The following ZP4 variants were observed in gnomAD, a reference collection of about 807,000 sequenced individuals.
ZP4 encodes the protein zona pellucida sperm-binding protein 4.
Under a neutral mutation model 62.3 loss-of-function variants are expected in ZP4, and 62 were observed. That is an observed-to-expected ratio of 0.99 (90% CI 0.81 to 1.23). The LOEUF (loss-of-function observed/expected upper bound fraction) is 1.23, where lower values mean the gene tolerates loss of function less well. ZP4 is among the 50% of genes most tolerant of loss of function. The pLI is 0.00. For missense variants in ZP4, 774 were observed against 656.0 expected (o/e 1.18, Z -1.97); for synonymous variants, 289 against 247.3 (o/e 1.17, Z -1.58).
At position 237,888,400 on chromosome 1, in the gene ZP4, A is replaced by G. The variant is rs1571934890; in HGVS notation, c.511T>C (p.Tyr171His). Residue 171 changes from tyrosine (Y) to histidine (H), a missense_variant, in exon 4 of 12, where the codon TAT (tyrosine) becomes CAT (histidine). Tyr to His is a moderately conservative substitution (Grantham distance 83). Transcript: ENST00000366570. ...CAGGAATTCACCTCTTCAGAGCTATAACAACAGCCTAGCCCTTCACAGTCT... is the reference window on the plus strand; with the variant it reads ...CAGGAATTCACCTCTTCAGAGCTATGACAACAGCCTAGCCCTTCACAGTCT... ...RGDCEGLGCC[Y>H]SSEEVNSCYY... The G allele has an allele frequency of 6.2e-7, 1 of 1,606,842 alleles. No homozygotes were observed. Among genetic ancestry groups the G allele is most frequent in the East Asian group, 2.2e-5 (1 of 44,642 alleles).
At chr1:237,887,917 C>T (rs1048666725) in intron 4 of ZP4, among the ~76,000 whole-genome samples, 3 of 152,168 alleles carry the variant, frequency 2.0e-5, no homozygotes, top group Non-Finnish European at 4.4e-5. Flanking sequence ...GTAATTGCAG[C>T]CTTTGCCACA....
In ZP4 at chr1:237,885,307, T is replaced by A; in HGVS notation, c.1169A>T (p.Tyr390Phe). The change falls in exon 9 of 12, where the codon TAC (tyrosine) becomes TTC (phenylalanine). Residue 390 changes from tyrosine (Y) to phenylalanine (F), a missense_variant. By Grantham distance (22) the Tyr-to-Phe change is conservative. Transcript: ENST00000366570. Reference sequence around the variant, plus strand: ...CTGGGTCTGATAGTTGTCTCCAATGTAGGGGCAGCTAGACCAAGAGACCCA... The same window carrying A: ...CTGGGTCTGATAGTTGTCTCCAATGAAGGGGCAGCTAGACCAAGAGACCCA... Reference protein sequence around the residue: ...QWPILVKGCPYIGDNYQTQLI... With the variant: ...QWPILVKGCPFIGDNYQTQLI... The A allele has an allele frequency of 6.2e-7, 1 of 1,613,978 alleles. No individual in the cohort carries two copies. The highest frequency in any genetic ancestry group is 1.3e-5 in the African/African-American group (1 of 75,040).
intron 10 of ZP4, among the ~76,000 whole-genome samples, chr1:237,884,013 CACAAACACACACACACACAA>C (rs1558531010): frequency 0.015 from 1,184 of 79,932 alleles, 15 homozygotes; most frequent in East Asian, 0.022. Flanking sequence ...CACACACACA[CACAAACACACACACACACAA>C]ACACACACAA....
rs757440065 is a variant in ZP4, at chr1:237,885,169, C to G, written c.1307G>C (p.Gly436Ala). The G allele has an allele frequency of 5.0e-6, 8 of 1,613,218 alleles. No homozygotes were observed. Among genetic ancestry groups the G allele is most frequent in the Non-Finnish European group, 6.8e-6 (8 of 1,179,666 alleles). The change falls in exon 9 of 12, where the codon GGA (glycine) becomes GCA (alanine). Residue 436 changes from glycine to alanine, a missense_variant. By Grantham distance (60) the Gly-to-Ala change is moderately conservative (BLOSUM62 0). Coordinates refer to ENST00000366570, the MANE Select transcript of ZP4 (RefSeq NM_021186.5). ...NPTVEKQALR[G>A]PVHLHCSVSV... ...TCATGGAAGGGAACATCCTACCGGT[C>G]CCCTGAGGGCCTGTTTCTCCACTGT... is the stretch of plus-strand genomic sequence containing the variant.
At chr1:237,882,898 A>T (rs572028545) in intron 10 of ZP4, 52 bp from the exon 11 acceptor site, 1 of 1,515,366 alleles carries the variant, frequency 6.6e-7, no homozygotes, top group East Asian at 2.3e-5. Flanking sequence ...CACATAGGGC[A>T]GGGATAGAAA....
chr1:237,890,645 A>G lies in ZP4; in HGVS notation c.-10T>C, dbSNP rs758741974. 2 of 1,608,784 alleles carry G rather than the reference A, an allele frequency of 1.2e-6. No individual in the cohort carries two copies. The highest frequency in any genetic ancestry group is 2.7e-5 in the African/African-American group (2 of 74,784). On this transcript the variant is annotated 5_prime_UTR_variant, in exon 1 of 12. Transcript: ENST00000366570. ...ACCGCAGCAGCCACATAATGCTACC[A>G]GGAGTTCCTGCCGGCTGCAGACTCT...
chr1:237,887,270 G>A, intron 5 of ZP4, 104 bp downstream of exon 5: 3 of 1,348,974 alleles, frequency 2.2e-6, no homozygotes, highest in Non-Finnish European at 3.1e-6. Flanking sequence ...CCAAGTAGTA[G>A]TCACAAGTAT....
rs115277322 is a variant in ZP4, at chr1:237,884,894, G to A, written c.1312-47C>T. On this transcript the variant is annotated intron_variant, in intron 9 of 11. Coordinates refer to ENST00000366570, the MANE Select transcript of ZP4 (RefSeq NM_021186.5). ...GTCATTTGTAGTATCACCATGCCAT[G>A]TATCTCTAAACCTGCTTTGCCTCCC... The A allele has an allele frequency of 0.012, 19,798 of 1,584,742 alleles. 2,000 individuals carry two copies. The African/African-American group carries it at 0.23, about 18-fold the overall frequency.
chr1:237,884,830 G>A lies in ZP4; in HGVS notation c.1329C>T (p.Ser443=), dbSNP rs199631612. 77 of 1,613,280 alleles carry A rather than the reference G, an allele frequency of 4.8e-5. No homozygotes were observed. Among genetic ancestry groups the A allele is most frequent in the South Asian group, 6.6e-5 (6 of 90,808 alleles). ...TCTCAGCAGGCTGGCAGACTGACAC[G>A]CTGCAGTGCAGATGCACCTGGGAGC... is the stretch of plus-strand genomic sequence containing the variant. The part of the protein sequence containing the change: ...ALRGPVHLHC[S]VSVCQPAETP... The change falls in exon 10 of 12, where the codon AGC becomes AGT. Residue 443 remains serine (S), a synonymous_variant. Transcript: ENST00000366570.
At position 237,885,899 on chromosome 1, in the gene ZP4, A is replaced by G. The variant is rs1347263677; in HGVS notation, c.840-13T>C. ...GCTGACATGGAGCCTGCAGAGAAACAAGATTTTAGCTAGTTGGTTGTGGGA... is the reference window on the plus strand; with the variant it reads ...GCTGACATGGAGCCTGCAGAGAAACGAGATTTTAGCTAGTTGGTTGTGGGA... On this transcript the variant is annotated splice_polypyrimidine_tract_variant and intron_variant, in intron 6 of 11. Transcript: ENST00000366570. 3 of 1,613,732 alleles carry G rather than the reference A, an allele frequency of 1.9e-6. No individual in the cohort carries two copies. Among genetic ancestry groups the G allele is most frequent in the South Asian group, 2.2e-5 (2 of 90,998 alleles).
intron 1 of ZP4, 62 bp downstream of exon 1, chr1:237,890,399 A>C (rs1227066241): frequency 1.2e-5 from 19 of 1,554,516 alleles, no homozygotes; most frequent in African/African-American, 2.7e-5. Context: ...ATAGGGAGAC[A>C]TCTTAGGTAG....
intron 9 of ZP4, 152 bp from the exon 10 acceptor site, chr1:237,884,999 A>G (rs1665061245): frequency 1.6e-6 from 2 of 1,221,446 alleles, no homozygotes; most frequent in South Asian, 1.5e-5. Context: ...ACTGGAGTCC[A>G]GTTGACAGAT....
chr1:237,882,788 G>A lies in ZP4; in HGVS notation c.1449C>T (p.Gly483=), dbSNP rs140287634. ...QNTTASVSSK[G]PMILLQATKD... ...TAGTGGCTTGGAGTAGAATCATGGG[G>A]CCTTTGCTAGAAACACTAGCAGTAG... Residue 483 remains glycine (G), a synonymous_variant, in exon 11 of 12, where the codon GGC becomes GGT. Coordinates refer to ENST00000366570, the MANE Select transcript of ZP4 (RefSeq NM_021186.5). 6.2e-6 allele frequency: 10 copies of A among 1,614,122 alleles called. No individual in the cohort carries two copies. Among genetic ancestry groups the A allele is most frequent in the Non-Finnish European group, 8.5e-6 (10 of 1,180,012 alleles).
chr1:237,890,516 C>T lies in ZP4; in HGVS notation c.120G>A (p.Gln40=). 2 of 1,614,102 alleles carry T rather than the reference C, an allele frequency of 1.2e-6. No homozygotes were observed. The highest frequency in any genetic ancestry group is 1.7e-6 in the Non-Finnish European group (2 of 1,180,034). ...CCTCCTGGTTGAGGTTTACAGCAAA[C>T]TGGAAGCTCCACGGCCCACAGTGGA... ...SVLHCGPWSF[Q]FAVNLNQEAT... is the part of the protein sequence containing the mutation. The change falls in exon 1 of 12, where the codon CAG becomes CAA. Residue 40 remains glutamine, a synonymous_variant. Coordinates refer to ENST00000366570, the MANE Select transcript of ZP4 (RefSeq NM_021186.5).
chr1:237,888,409 C>G lies in ZP4; in HGVS notation c.502G>C (p.Gly168Arg). 6.2e-7 allele frequency: 1 copy of G among 1,610,814 alleles called. No homozygotes were observed. Among genetic ancestry groups the G allele is most frequent in the South Asian group, 1.1e-5 (1 of 90,524 alleles). ...ACCTCTTCAGAGCTATAACAACAGC[C>G]TAGCCCTTCACAGTCTCCTCGAGAG... ...PISRGDCEGLGCCYSSEEVNS... is the reference protein window; with the variant it reads ...PISRGDCEGLRCCYSSEEVNS... Residue 168 changes from glycine to arginine, a missense_variant, in exon 4 of 12, where the codon GGC becomes CGC. Transcript: ENST00000366570.
rs1379001978 is a variant in ZP4, at chr1:237,882,481, A to T, written c.1564T>A (p.Leu522Ile). 2 of 1,609,964 alleles carry T rather than the reference A, an allele frequency of 1.2e-6. No homozygotes were observed. The highest frequency in any genetic ancestry group is 1.7e-6 in the Non-Finnish European group (2 of 1,179,158). The change falls in exon 12 of 12, where the codon TTA becomes ATA. Residue 522 changes from leucine (L) to isoleucine (I), a missense_variant. Coordinates refer to ENST00000366570, the MANE Select transcript of ZP4 (RefSeq NM_021186.5). ...LSGTLILGAL[L>I]VSYLAVKKQK... Reference sequence around the variant, plus strand: ...TTCTTGACAGCCAAGTAGGATACTAACAAGGCTCCAAGGATTAAGGTCCCA... The same window carrying T: ...TTCTTGACAGCCAAGTAGGATACTATCAAGGCTCCAAGGATTAAGGTCCCA...
chr1:237,883,728 GGAGGGAGAGA>G (rs1288435879), intron 10 of ZP4, among the ~76,000 whole-genome samples: 226 of 19,172 alleles, frequency 0.012, 9 homozygotes, highest in Middle Eastern at 0.023. Context: ...GGAGGGCGGG[GGAGGGAGAGA>G]GAGGGAGAGA....
At position 237,885,330 on chromosome 1, in the gene ZP4, C is replaced by G. The variant is rs751971386; in HGVS notation, c.1161-15G>C. On this transcript the variant is annotated splice_polypyrimidine_tract_variant and intron_variant, in intron 8 of 11. Transcript: ENST00000366570. ...TGTAGGGGCAGCTAGACCAAGAGAC[C>G]CAGCAGTCAGGATGGGCTTCTTTGA... 3.7e-6 allele frequency: 6 copies of G among 1,613,084 alleles called. No individual in the cohort carries two copies. The South Asian group carries it at 6.6e-5, about 18-fold the overall frequency.
chr1:237,885,021 A>C (rs1665061655), intron 9 of ZP4, 144 bp downstream of exon 9: 2 of 1,253,768 alleles, frequency 1.6e-6, no homozygotes, highest in African/African-American at 3.0e-5. Context: ...TCACTCATGT[A>C]ATTAGTAACA....
Sources: allele counts gnomAD v4.1 joint callset (sites outside exome capture counted in the v4.1 genomes callset), GRCh38; gene constraint gnomAD v4.1.1; transcripts MANE v1.5; gene names NCBI Gene and HGNC (gene_info 2026-07-23, HGNC 2026-07-21).